Variants in DENND1A observed in about 807,000 individuals in gnomAD.
The protein encoded by DENND1A is DENN domain containing 1A.
In DENND1A, 51 loss-of-function variants were observed where a neutral mutation model predicts 113.7. That is an observed-to-expected ratio of 0.45 (90% CI 0.36 to 0.57). The LOEUF (loss-of-function observed/expected upper bound fraction) is 0.57, where lower values mean the gene tolerates loss of function less well. Among genes scored for constraint, DENND1A ranks in the 20% least tolerant of loss-of-function variants. The pLI, the probability that DENND1A is intolerant of heterozygous loss-of-function variation, is 0.00. For synonymous variants in DENND1A, 565 were observed against 570.8 expected, an observed-to-expected ratio of 0.99 and a Z score of 0.14; for missense variants, 1,258 against 1,395.9, an observed-to-expected ratio of 0.90 and a Z score of 1.57.
chr9:123,557,938 G>A (rs1267037492), intron 12 of DENND1A, among the ~76,000 whole-genome samples: 2 of 151,896 alleles, frequency 1.3e-5, no homozygotes, highest in Non-Finnish European at 2.9e-5. Context: ...GCTACAGTGA[G>A]CCGAGATTGC....
chr9:123,918,449 C>A (rs1437084635), intron 1 of DENND1A, among the ~76,000 whole-genome samples: 1 of 148,020 alleles, frequency 6.8e-6, no homozygotes, highest in African/African-American at 2.5e-5. Flanking sequence ...GATCACGCCA[C>A]TGCTCTCCAG....
At chr9:123,781,288 A>G (rs1297593810) in intron 3 of DENND1A, among the ~76,000 whole-genome samples, 1 of 152,170 alleles carries the variant, frequency 6.6e-6, no homozygotes, top group African/African-American at 2.4e-5. Flanking sequence ...TTCAGTCTCA[A>G]AAGTATCCTG....
chr9:123,500,149 T>A (rs1365297026), intron 13 of DENND1A, among the ~76,000 whole-genome samples: 1 of 152,040 alleles, frequency 6.6e-6, no homozygotes, highest in Admixed American at 6.5e-5. Context: ...TTAAGAAAAG[T>A]CTAAAAGTCA....
intron 2 of DENND1A, among the ~76,000 whole-genome samples, chr9:123,844,778 A>C (rs1351256978): frequency 6.6e-6 from 1 of 152,226 alleles, no homozygotes; most frequent in Non-Finnish European, 1.5e-5. Context: ...TTTAAAAAGA[A>C]CAAAATTGGA....
At position 123,639,777 on chromosome 9, in the gene DENND1A, C is replaced by CAA. The variant is rs199515973; in HGVS notation, c.619-9303_619-9302dup. 5.5e-3 allele frequency among the ~76,000 whole-genome samples: 636 copies of CAA among 115,550 alleles called. 4 individuals carry two copies. Among genetic ancestry groups the CAA allele is most frequent in the Middle Eastern group, 9.5e-3 (2 of 210 alleles). 75.8% of individuals were successfully genotyped at this position (115,550 alleles called of 152,430 possible). Reference sequence around the variant, plus strand: ...GGGCAACAAGAACGAAACTCCATCTCAAAAAAAAAAAAAAAAAAAACAAAA... The same window carrying CAA: ...GGGCAACAAGAACGAAACTCCATCTCAAAAAAAAAAAAAAAAAAAAAACAAAA... On this transcript the variant is annotated intron_variant, in intron 9 of 23. Coordinates refer to ENST00000394215, the MANE Select transcript of DENND1A (RefSeq NM_001352964.2).
At chr9:123,845,247 A>G (rs759683950) in intron 2 of DENND1A, among the ~76,000 whole-genome samples, 1 of 152,046 alleles carries the variant, frequency 6.6e-6, no homozygotes, top group African/African-American at 2.4e-5. Flanking sequence ...ATCAACAAGG[A>G]AACCAAAACA....
At chr9:123,681,363 G>T (rs2064442818) in intron 5 of DENND1A, among the ~76,000 whole-genome samples, 2 of 152,028 alleles carry the variant, frequency 1.3e-5, no homozygotes, top group South Asian at 4.2e-4. Flanking sequence ...GAGTCCATGT[G>T]GTTGAGAATG....
intron 2 of DENND1A, among the ~76,000 whole-genome samples, chr9:123,856,288 A>C (rs1402916184): frequency 6.6e-6 from 1 of 152,156 alleles, no homozygotes. Flanking sequence ...GGGCTTGCAC[A>C]ATATGGGGAC....
intron 13 of DENND1A, among the ~76,000 whole-genome samples, chr9:123,553,365 T>G (rs2057225096): frequency 6.6e-6 from 1 of 151,154 alleles, no homozygotes; most frequent in Non-Finnish European, 1.5e-5. Flanking sequence ...CAGAAATCTC[T>G]GAGGGGGGCC....
Position 123,395,964 on chromosome 9 carries a change from C to T in DENND1A, c.1631+7438G>A, listed in dbSNP as rs547774283. Reference sequence around the variant, plus strand: ...TCAAAGCTGAGGAAGAGCTCACAGACTACTGGTGTGCCTGGTGTGTGTGTG... The same window carrying T: ...TCAAAGCTGAGGAAGAGCTCACAGATTACTGGTGTGCCTGGTGTGTGTGTG... On this transcript the variant is annotated intron_variant, in intron 21 of 23. Transcript: ENST00000394215. Among the ~76,000 whole-genome samples, 44 of 151,308 alleles carry T rather than the reference C, an allele frequency of 2.9e-4. No homozygotes were observed. The South Asian group carries it at 9.3e-3, about 32-fold the overall frequency.
intron 21 of DENND1A, among the ~76,000 whole-genome samples, chr9:123,388,174 G>A (rs534098977): frequency 4.6e-5 from 7 of 152,198 alleles, no homozygotes; most frequent in Non-Finnish European, 8.8e-5. Context: ...ATTAAAACAT[G>A]GAACAACCTA....
intron 5 of DENND1A, among the ~76,000 whole-genome samples, chr9:123,729,088 A>G (rs2067966000): frequency 1.3e-5 from 2 of 152,206 alleles, no homozygotes; most frequent in Admixed American, 1.3e-4. Flanking sequence ...AAAACACTCA[A>G]TAAACTAGAT....
intron 5 of DENND1A, among the ~76,000 whole-genome samples, chr9:123,714,366 C>T (rs560424799): frequency 6.6e-6 from 1 of 152,330 alleles, no homozygotes; most frequent in South Asian, 2.1e-4. Context: ...CTTTGAGAGG[C>T]TGAGTTGGGT....
intron 2 of DENND1A, among the ~76,000 whole-genome samples, chr9:123,869,021 C>A (rs1025845694): frequency 1.3e-5 from 2 of 152,162 alleles, no homozygotes; most frequent in Non-Finnish European, 2.9e-5. Flanking sequence ...CTCAAAGATA[C>A]AAAATGTTCT....
At chr9:123,876,226 C>A (rs1433286686) in intron 2 of DENND1A, among the ~76,000 whole-genome samples, 2 of 151,802 alleles carry the variant, frequency 1.3e-5, no homozygotes, top group Non-Finnish European at 2.9e-5. Context: ...TCAAAAAAGA[C>A]AAAGAAAGGC....
Position 123,785,417 on chromosome 9 carries a change from T to C in DENND1A, c.132+7170A>G, listed in dbSNP as rs1435740932. 2.0e-5 allele frequency among the ~76,000 whole-genome samples: 3 copies of C among 152,156 alleles called. No individual in the cohort carries two copies. In the East Asian group the frequency reaches 5.8e-4, roughly 29 times the overall value. On this transcript the variant is annotated intron_variant, in intron 3 of 23. Transcript: ENST00000394215. ...TCAGCAAACACTTTAAAAAGCACCTTGACATTTGTCCAAGGTGATATATTT... is the reference window on the plus strand; with the variant it reads ...TCAGCAAACACTTTAAAAAGCACCTCGACATTTGTCCAAGGTGATATATTT...
rs77605524 is a variant in DENND1A, at chr9:123,713,715, C to T, written c.303-36926G>A. Among the ~76,000 whole-genome samples, 602 of 152,114 alleles carry T rather than the reference C, an allele frequency of 4.0e-3. 4 individuals carry two copies. The highest frequency in any genetic ancestry group is 6.8e-3 in the Non-Finnish European group (464 of 68,014). On this transcript the variant is annotated intron_variant, in intron 5 of 23. Transcript: ENST00000394215. ...AATTAGAAAAAAAAAACTAGACTCT[C>T]CTGAAATTCACACTATGTTGATAAT...
rs528263452 is a variant in DENND1A at position 123,623,120 on chromosome 9, A to G, written c.719+7256T>C. ...GCCACAGCTGCAAATGAAAACAACC[A>G]TACAATAACTCAAGTTAAATAAAAA... On this transcript the variant is annotated intron_variant, in intron 10 of 23. Coordinates refer to ENST00000394215, the MANE Select transcript of DENND1A (RefSeq NM_001352964.2). Among the ~76,000 whole-genome samples the G allele has an allele frequency of 3.3e-5, 5 of 152,334 alleles. No homozygotes were observed. The South Asian group carries it at 8.3e-4, about 25-fold the overall frequency.
chr9:123,623,246 T>A (rs978918034), intron 10 of DENND1A, among the ~76,000 whole-genome samples: 3 of 152,228 alleles, frequency 2.0e-5, no homozygotes, highest in African/African-American at 7.2e-5. Flanking sequence ...TAATGCTTAA[T>A]GTGAGTTAAA....
Sources: gnomAD v4.1 joint callset for allele counts (sites outside exome capture counted in the v4.1 genomes callset) on GRCh38, gnomAD v4.1.1 for gene constraint, MANE v1.5 for transcripts, NCBI Gene and HGNC (gene_info 2026-07-23, HGNC 2026-07-21) for gene names.